SLC35E4: variants seen among roughly 807,000 people sequenced by gnomAD.
The protein encoded by SLC35E4 is solute carrier family 35 member E4.
A neutral mutation model predicts 19.3 loss-of-function variants in SLC35E4; 15 were observed. The ratio of observed to expected loss-of-function variants is 0.78; its 90% CI spans 0.52 to 1.20. The LOEUF (loss-of-function observed/expected upper bound fraction) is 1.20. Ranked by LOEUF, SLC35E4 falls within the 50% of genes most tolerant of loss-of-function variation. The pLI, the probability that SLC35E4 is intolerant of heterozygous loss-of-function variation, is 0.00. For synonymous variants in SLC35E4, 219 were observed against 219.9 expected, an observed-to-expected ratio of 1.00 and a Z score of 0.04; for missense variants, 406 against 472.3, an observed-to-expected ratio of 0.86 and a Z score of 1.30.
At chr22:30,654,279 C>T (rs549007988) in intron 2 of SLC35E4, 18 of 442,302 alleles carry the variant, frequency 4.1e-5, no homozygotes, top group Middle Eastern at 7.2e-4. Flanking sequence ...CCACCGCGCC[C>T]GGCCATCCCA....
Position 30,636,691 on chromosome 22 carries a change from C to T in SLC35E4, c.241C>T (p.Leu81=). 1 of 1,611,788 alleles carries T rather than the reference C, an allele frequency of 6.2e-7. No homozygotes were observed. The highest frequency in any genetic ancestry group is 8.5e-7 in the Non-Finnish European group (1 of 1,178,938). The change falls in exon 1 of 2, where the codon CTG becomes TTG. Residue 81 remains leucine, a synonymous_variant. Coordinates refer to ENST00000343605, the MANE Select transcript of SLC35E4 (RefSeq NM_001001479.4). ...AGTGCACGGCTTTGGGCGGCCCCTGCTGCTGTCGGCCCTGCACATGCTGGT... is the reference window on the plus strand; with the variant it reads ...AGTGCACGGCTTTGGGCGGCCCCTGTTGCTGTCGGCCCTGCACATGCTGGT... ...FTVHGFGRPL[L]LSALHMLVAA...
intron 1 of SLC35E4, among the ~76,000 whole-genome samples, chr22:30,639,380 T>C (rs1001270196): frequency 6.6e-6 from 1 of 152,160 alleles, no homozygotes; most frequent in Non-Finnish European, 1.5e-5. Flanking sequence ...AGGACCGGGG[T>C]GAAATTAAAA....
chr22:30,652,716 G>C (rs1239021741), downstream of SLC35E4, among the ~76,000 whole-genome samples: 2 of 152,214 alleles, frequency 1.3e-5, no homozygotes, highest in Admixed American at 1.3e-4. Context: ...TTCTCCATAG[G>C]GCCCCTTGAG....
downstream of SLC35E4, chr22:30,649,205 A>T (rs1184465920): frequency 4.2e-6 from 3 of 717,004 alleles, no homozygotes; most frequent in East Asian, 5.4e-5. Context: ...ATCCCTATGG[A>T]GAGGGTTCGA....
downstream of SLC35E4, among the ~76,000 whole-genome samples, chr22:30,650,568 A>T (rs1370832979): frequency 6.6e-6 from 1 of 152,150 alleles, no homozygotes; most frequent in Non-Finnish European, 1.5e-5. Context: ...GCTTTGGTAC[A>T]TCTGAGCTCT....
chr22:30,648,474 G>A (rs190779385), downstream of SLC35E4, among the ~76,000 whole-genome samples: 178 of 152,278 alleles, frequency 1.2e-3, 2 homozygotes, highest in Admixed American at 6.9e-3. Context: ...AATCCAGGCC[G>A]GGCGCGGTGG....
chr22:30,658,371 T>C lies in SLC35E4; in HGVS notation c.*9-3689T>C, dbSNP rs183256741. On this transcript the variant is annotated intron_variant, in intron 2 of 2. Transcript: ENST00000406566. The stretch of plus-strand genomic sequence containing the variant: ...CTGGGCAACACAATGAGACTCTGTC[T>C]CTAGAAAAAAAAAAATTTTTTTTTT... Among the ~76,000 whole-genome samples, 467 of 150,462 alleles carry C rather than the reference T, an allele frequency of 3.1e-3. 1 individual carries two copies. Among genetic ancestry groups the C allele is most frequent in the Middle Eastern group, 0.014 (4 of 294 alleles).
downstream of SLC35E4, among the ~76,000 whole-genome samples, chr22:30,666,620 T>TCAAAAA (rs2088676696): frequency 4.7e-5 from 1 of 21,370 alleles, no homozygotes; most frequent in African/African-American, 8.9e-4. Flanking sequence ...AGACTCCATC[T>TCAAAAA]CAAAAAAAAA....
intron 2 of SLC35E4, among the ~76,000 whole-genome samples, chr22:30,655,429 CAAA>C (rs5844917): frequency 2.7e-5 from 3 of 111,674 alleles, no homozygotes; most frequent in Non-Finnish European, 1.8e-5. Context: ...GAGATCCTAC[CAAA>C]AAAAAAAAAA....
At position 30,637,044 on chromosome 22, in the gene SLC35E4, C is replaced by T. The variant is rs147171009; in HGVS notation, c.594C>T (p.Leu198=). 1.3e-6 allele frequency: 2 copies of T among 1,581,850 alleles called. No homozygotes were observed. Among genetic ancestry groups the T allele is most frequent in the Non-Finnish European group, 1.7e-6 (2 of 1,160,592 alleles). ...GCGFLLAATC[L]RGLKSVQQSA... Reference sequence around the variant, plus strand: ...GCTTCCTGCTCGCAGCCACCTGCCTCCGCGGACTCAAGTCGGTTCAGCAAA... The same window carrying T: ...GCTTCCTGCTCGCAGCCACCTGCCTTCGCGGACTCAAGTCGGTTCAGCAAA... Residue 198 remains leucine, a synonymous_variant, in exon 1 of 2, where the codon CTC becomes CTT. Transcript: ENST00000343605.
downstream of SLC35E4, among the ~76,000 whole-genome samples, chr22:30,651,367 A>ATTTTT (rs35299835): frequency 1.3e-3 from 102 of 76,990 alleles, no homozygotes; most frequent in African/African-American, 3.1e-3. Flanking sequence ...CACGTGGCTA[A>ATTTTT]TTTTTGTGTG....
intron 1 of SLC35E4, among the ~76,000 whole-genome samples, chr22:30,638,566 C>G (rs1200613279): frequency 2.0e-5 from 3 of 149,148 alleles, no homozygotes; most frequent in African/African-American, 7.4e-5. Context: ...AATCCCAGCA[C>G]TTTGGGAGGC....
downstream of SLC35E4, among the ~76,000 whole-genome samples, chr22:30,651,354 C>A (rs140922631): frequency 9.6e-3 from 1,304 of 135,166 alleles, 18 homozygotes; most frequent in African/African-American, 0.036. Flanking sequence ...GCATATGCCA[C>A]CACACGTGGC....
At chr22:30,655,982 G>A (rs145007497) in intron 2 of SLC35E4, among the ~76,000 whole-genome samples, 260 of 151,306 alleles carry the variant, frequency 1.7e-3, no homozygotes, top group African/African-American at 5.9e-3. Context: ...CCACTGCACT[G>A]CATCCTGGGC....
At chr22:30,651,425 ATATTTTTTTTTTTTTTTTT>A (rs1348150613), downstream of SLC35E4, among the ~76,000 whole-genome samples, 47 of 27,452 alleles carry the variant, frequency 1.7e-3, no homozygotes, top group East Asian at 0.029. Flanking sequence ...ATATATATAT[ATATTTTTTTTTTTTTTTTT>A]TTTTTTTTTT....
At chr22:30,663,999 G>A, downstream of SLC35E4, 1 of 1,612,034 alleles carries the variant, frequency 6.2e-7, no homozygotes, top group Non-Finnish European at 8.5e-7. Flanking sequence ...CGAGGGTGCT[G>A]TCATCAAGGC....
At position 30,636,553 on chromosome 22, in the gene SLC35E4, C is replaced by G. The variant is rs1424574455; in HGVS notation, c.103C>G (p.Pro35Ala). The G allele has an allele frequency of 6.4e-7, 1 of 1,567,418 alleles. No individual in the cohort carries two copies. Among genetic ancestry groups the G allele is most frequent in the Admixed American group, 1.9e-5 (1 of 53,534 alleles). ...GGCGGCTGGGCCCCCCGAGTGGCCC[C>G]CTGGCAGCCCTCAGGCCCTCCGGCA... ...AQAAGPPEWP[P>A]GSPQALRQPG... Residue 35 changes from proline to alanine, a missense_variant, in exon 1 of 2, where the codon CCT becomes GCT. Coordinates refer to ENST00000343605, the MANE Select transcript of SLC35E4 (RefSeq NM_001001479.4).
At chr22:30,665,153 G>A (rs1007799464), downstream of SLC35E4, 3 of 167,562 alleles carry the variant, frequency 1.8e-5, no homozygotes, top group Non-Finnish European at 3.9e-5. Flanking sequence ...TATACATTCC[G>A]CTGAAATAGG....
At chr22:30,663,949 C>T (rs768855710), downstream of SLC35E4, 42 of 1,614,042 alleles carry the variant, frequency 2.6e-5, no homozygotes, top group East Asian at 8.0e-4. Flanking sequence ...TGCGAGAGGC[C>T]GCTGACTGAG....
Sources: gnomAD v4.1 joint callset for allele counts (sites outside exome capture counted in the v4.1 genomes callset) on GRCh38, gnomAD v4.1.1 for gene constraint, MANE v1.5 for transcripts, NCBI Gene and HGNC (gene_info 2026-07-23, HGNC 2026-07-21) for gene names.